Variants in STXBP4 observed in about 807,000 individuals in gnomAD.
The protein encoded by STXBP4 is syntaxin-binding protein 4.
In STXBP4, 55 loss-of-function variants were observed where a neutral mutation model predicts 76.1. The ratio of observed to expected loss-of-function variants is 0.72; its 90% CI spans 0.58 to 0.91. The LOEUF (loss-of-function observed/expected upper bound fraction) is 0.91, where lower values mean the gene tolerates loss of function less well. Ranked by LOEUF, STXBP4 falls within the 40% of genes least tolerant of loss-of-function variation. STXBP4 has a pLI of 0.00. For synonymous variants in STXBP4, 201 were observed against 220.2 expected (o/e 0.91, Z 0.77); for missense variants, 618 against 636.9 (o/e 0.97, Z 0.32).
chr17:55,119,637 A>G (rs244344), intron 16 of STXBP4, among the ~76,000 whole-genome samples: 94,653 of 151,358 alleles, frequency 0.63, 30,222 homozygotes, highest in African/African-American at 0.75. Context: ...AAATGAATAT[A>G]TATTTATGTG....
intron 1 of STXBP4, among the ~76,000 whole-genome samples, chr17:54,974,436 G>A (rs1201700316): frequency 1.3e-5 from 2 of 152,150 alleles, no homozygotes; most frequent in Non-Finnish European, 1.5e-5. Flanking sequence ...ATCTTTTTGA[G>A]GAACTACTCC....
the STXBP4 span, among the ~76,000 whole-genome samples, chr17:55,210,199 GATACACCAT>G: frequency 6.6e-6 from 1 of 152,300 alleles, no homozygotes; most frequent in East Asian, 1.9e-4. Flanking sequence ...CTAATTCACA[GATACACCAT>G]ATTATAAATC....
chr17:55,079,168 A>G (rs1360824771), intron 15 of STXBP4, among the ~76,000 whole-genome samples: 1 of 152,178 alleles, frequency 6.6e-6, no homozygotes, highest in Non-Finnish European at 1.5e-5. Context: ...TTTCGTTTTC[A>G]TCTTTCAGTA....
Position 55,167,785 on chromosome 17 carries a change from A to G in STXBP4, c.*7874A>G, listed in dbSNP as rs568820462. On this transcript the variant is annotated 3_prime_UTR_variant, in exon 18 of 18. Transcript: ENST00000376352. ...TGAAATTGCAGAAATTATCTCATCT[A>G]TAAGTAACCCCACTGGAATTGCTTG... 51 of 152,326 alleles carry G rather than the reference A, an allele frequency of 3.3e-4. No homozygotes were observed. The highest frequency in any genetic ancestry group is 1.1e-3 in the African/African-American group (47 of 41,572). The allele number at this position is 152,326 out of a possible 1,614,324, so 9.4% of individuals were successfully genotyped here.
intron 16 of STXBP4, among the ~76,000 whole-genome samples, chr17:55,116,151 T>G (rs1157245636): frequency 6.6e-6 from 1 of 151,938 alleles, no homozygotes; most frequent in East Asian, 1.9e-4. Flanking sequence ...ACATATATTT[T>G]TAATACTCAA....
intron 12 of STXBP4, among the ~76,000 whole-genome samples, chr17:55,063,087 G>A (rs547401844): frequency 1.3e-5 from 2 of 152,282 alleles, no homozygotes; most frequent in South Asian, 4.1e-4. Context: ...ACAGCAGTGA[G>A]CTTGGAGAAG....
intron 16 of STXBP4, among the ~76,000 whole-genome samples, chr17:55,099,153 A>G (rs900203652): frequency 6.6e-6 from 1 of 152,200 alleles, no homozygotes; most frequent in African/African-American, 2.4e-5. Flanking sequence ...CAGCATACTC[A>G]TACACTGTTA....
At position 54,986,486 on chromosome 17, in the gene STXBP4, G is replaced by A. The variant is rs564150764; in HGVS notation, c.47+220G>A. ...TTAAGTCATCTGTGCAGGCACGGTA[G>A]GGCATGCCTGTAGTCCCAGCTGCTC... is the stretch of plus-strand genomic sequence containing the variant. On this transcript the variant is annotated intron_variant, in intron 3 of 17. Transcript: ENST00000376352. 9.2e-5 allele frequency among the ~76,000 whole-genome samples: 14 copies of A among 152,226 alleles called. 1 individual carries two copies. The highest frequency in any genetic ancestry group is 6.9e-3 in the Middle Eastern group (2 of 290).
intron 8 of STXBP4, among the ~76,000 whole-genome samples, chr17:55,028,436 T>C (rs1396781367): frequency 6.6e-6 from 1 of 152,046 alleles, no homozygotes; most frequent in Non-Finnish European, 1.5e-5. Context: ...TTGCAAAAAA[T>C]CCACAATTTA....
intron 12 of STXBP4, among the ~76,000 whole-genome samples, chr17:55,066,745 C>T (rs553841334): frequency 3.3e-5 from 5 of 152,158 alleles, no homozygotes; most frequent in South Asian, 4.2e-4. Flanking sequence ...CATGGTGGCT[C>T]ACACCTGTAA....
At chr17:55,199,650 C>G in the STXBP4 span, among the ~76,000 whole-genome samples, 1 of 152,154 alleles carries the variant, frequency 6.6e-6, no homozygotes, top group Admixed American at 6.5e-5. Context: ...TTATTTTATA[C>G]TTATATGTTC....
intron 7 of STXBP4, among the ~76,000 whole-genome samples, chr17:55,003,458 G>GA (rs1214971623): frequency 7.2e-5 from 11 of 151,930 alleles, no homozygotes; most frequent in Non-Finnish European, 1.5e-4. Context: ...CTGGGGAGTG[G>GA]AAAAAAGGCA....
Position 54,968,959 on chromosome 17 carries a change from T to C in STXBP4, c.-157+144T>C, listed in dbSNP as rs1598127169. On this transcript the variant is annotated intron_variant, in intron 1 of 17. Coordinates refer to ENST00000376352, the MANE Select transcript of STXBP4 (RefSeq NM_178509.6). ...TTGCGCCTGTGATCTTTATTTAAAC[T>C]CCACCAGCCTTTGTCTCGACCCGGC... The C allele has an allele frequency of 1.0e-5, 3 of 298,012 alleles. No homozygotes were observed. The South Asian group carries it at 1.4e-4, about 14-fold the overall frequency. 18.5% of individuals were successfully genotyped at this position (298,012 alleles called of 1,614,324 possible).
At chr17:55,190,851 T>A in the STXBP4 span, among the ~76,000 whole-genome samples, 1 of 152,100 alleles carries the variant, frequency 6.6e-6, no homozygotes, top group Non-Finnish European at 1.5e-5. Flanking sequence ...ATAAAGAAAT[T>A]AACGTGTTCA....
chr17:55,059,320 C>A (rs955668982), intron 12 of STXBP4, among the ~76,000 whole-genome samples: 1 of 152,030 alleles, frequency 6.6e-6, no homozygotes, highest in African/African-American at 2.4e-5. Flanking sequence ...TTGACACTGG[C>A]CACATCAGTT....
chr17:55,062,309 A>G (rs953668609), intron 12 of STXBP4, among the ~76,000 whole-genome samples: 3 of 152,028 alleles, frequency 2.0e-5, no homozygotes, highest in Non-Finnish European at 4.4e-5. Flanking sequence ...CTCATTGTTC[A>G]ACTCCCACTT....
chr17:55,188,574 C>A, the STXBP4 span, among the ~76,000 whole-genome samples: 2 of 152,168 alleles, frequency 1.3e-5, no homozygotes. Flanking sequence ...CAGAAGGGCC[C>A]TTTATTAGAG....
chr17:55,169,157 A>G lies in STXBP4; in HGVS notation c.*9246A>G, dbSNP rs540586324. 4 of 152,288 alleles carry G rather than the reference A, an allele frequency of 2.6e-5. No individual in the cohort carries two copies. The highest frequency in any genetic ancestry group is 3.9e-4 in the East Asian group (2 of 5,178). 9.4% of individuals were successfully genotyped at this position (152,288 alleles called of 1,614,324 possible). ...GGAAGTGGCCCAAGGGTGAAAAGTAATAGGGAAATAGAGAAATAGAACCGA... is the reference window on the plus strand; with the variant it reads ...GGAAGTGGCCCAAGGGTGAAAAGTAGTAGGGAAATAGAGAAATAGAACCGA... On this transcript the variant is annotated 3_prime_UTR_variant, in exon 18 of 18. Transcript: ENST00000376352.
chr17:54,977,184 C>T (rs1036424091), intron 1 of STXBP4, among the ~76,000 whole-genome samples: 2 of 152,134 alleles, frequency 1.3e-5, no homozygotes, highest in Admixed American at 6.5e-5. Context: ...TTTCTGAACT[C>T]GTTAGATTCT....
Sources: allele counts gnomAD v4.1 joint callset (sites outside exome capture counted in the v4.1 genomes callset), GRCh38; gene constraint gnomAD v4.1.1; transcripts MANE v1.5; gene names NCBI Gene and HGNC (gene_info 2026-07-23, HGNC 2026-07-21).